TENM3: variants seen among roughly 807,000 people sequenced by gnomAD.
TENM3 encodes teneurin transmembrane protein 3.
TENM3 carries 63 observed loss-of-function variants against 255.1 expected under a neutral mutation model. That is an observed-to-expected ratio of 0.25 (90% CI 0.20 to 0.30). TENM3 has a LOEUF of 0.30. Ranked by LOEUF, TENM3 falls within the 10% of genes least tolerant of loss-of-function variation. The pLI is 1.00. For synonymous variants in TENM3, 1,306 were observed against 1,322.3 expected (o/e 0.99, Z 0.27); for missense variants, 2,929 against 3,461.1 (o/e 0.85, Z 3.86).
chr4:182,068,020 A>G, the TENM3 span, among the ~76,000 whole-genome samples: 1 of 152,158 alleles, frequency 6.6e-6, no homozygotes, highest in East Asian at 1.9e-4. Flanking sequence ...CATGCTGGGT[A>G]TACCATTCAT....
the TENM3 span, among the ~76,000 whole-genome samples, chr4:181,794,187 A>AAT: frequency 0.27 from 40,746 of 151,332 alleles, 5,571 homozygotes; most frequent in South Asian, 0.35. Flanking sequence ...TATGGTGTAC[A>AAT]ATATATATAT....
chr4:181,712,373 T>C, the TENM3 span, among the ~76,000 whole-genome samples: 1 of 152,126 alleles, frequency 6.6e-6, no homozygotes, highest in African/African-American at 2.4e-5. Flanking sequence ...AAGATTTGGT[T>C]AAGTTTGTGG....
intron 1 of TENM3, among the ~76,000 whole-genome samples, chr4:182,186,434 G>A (rs1175889966): frequency 6.6e-6 from 1 of 151,612 alleles, no homozygotes; most frequent in African/African-American, 2.4e-5. Flanking sequence ...TGTATATATC[G>A]ATGTCTTTGA....
chr4:182,744,290 C>T, intron 19 of TENM3: 3 of 487,826 alleles, frequency 6.1e-6, no homozygotes, highest in Non-Finnish European at 8.0e-6. Context: ...CACACATCAT[C>T]GAAGGAATTA....
chr4:181,466,087 G>A, the TENM3 span, among the ~76,000 whole-genome samples: 1 of 151,074 alleles, frequency 6.6e-6, no homozygotes, highest in African/African-American at 2.4e-5. Flanking sequence ...ATGCCTATGT[G>A]GAAGGAGCCT....
At chr4:182,046,623 G>C in the TENM3 span, among the ~76,000 whole-genome samples, 2 of 151,824 alleles carry the variant, frequency 1.3e-5, no homozygotes, top group Non-Finnish European at 2.9e-5. Context: ...CTAGATACTC[G>C]AGAGGCTGAG....
At chr4:181,958,199 A>G in the TENM3 span, among the ~76,000 whole-genome samples, 1 of 152,196 alleles carries the variant, frequency 6.6e-6, no homozygotes, top group Non-Finnish European at 1.5e-5. Context: ...ATAGACACAT[A>G]ATCTTGCCTG....
At chr4:181,480,108 G>T in the TENM3 span, among the ~76,000 whole-genome samples, 52,353 of 151,896 alleles carry the variant, frequency 0.34, 9,119 homozygotes, top group Middle Eastern at 0.38. Context: ...TATGTGCACA[G>T]TTGTCTTACA....
At chr4:182,473,148 A>C (rs186140414) in intron 3 of TENM3, among the ~76,000 whole-genome samples, 82 of 152,318 alleles carry the variant, frequency 5.4e-4, no homozygotes, top group Non-Finnish European at 1.0e-4. Context: ...TTAATATAAT[A>C]TACCTTTATT....
chr4:182,136,237 T>C, the TENM3 span, among the ~76,000 whole-genome samples: 3 of 152,218 alleles, frequency 2.0e-5, no homozygotes, highest in African/African-American at 7.2e-5. Flanking sequence ...TAATGAATAA[T>C]AGGGCTACAA....
chr4:181,750,390 CT>C, the TENM3 span, among the ~76,000 whole-genome samples: 12 of 152,266 alleles, frequency 7.9e-5, no homozygotes, highest in African/African-American at 2.9e-4. Flanking sequence ...AACTTTATCA[CT>C]TATAATAGGT....
At chr4:182,099,292 A>C in the TENM3 span, among the ~76,000 whole-genome samples, 1 of 152,228 alleles carries the variant, frequency 6.6e-6, no homozygotes, top group East Asian at 1.9e-4. Context: ...TGTGTCCATA[A>C]AAATTTTAAA....
the TENM3 span, among the ~76,000 whole-genome samples, chr4:182,112,653 T>C: frequency 1.3e-5 from 2 of 152,316 alleles, no homozygotes; most frequent in East Asian, 3.9e-4. Flanking sequence ...CAAGTTCTGT[T>C]TCCCATTCTC....
At chr4:181,524,916 G>T in the TENM3 span, among the ~76,000 whole-genome samples, 136 of 152,262 alleles carry the variant, frequency 8.9e-4, 1 homozygote, top group Middle Eastern at 3.4e-3. Flanking sequence ...TTTCATTGTG[G>T]TTTGCCAAGC....
At chr4:182,607,935 G>A (rs1748590684) in intron 4 of TENM3, among the ~76,000 whole-genome samples, 1 of 152,162 alleles carries the variant, frequency 6.6e-6, no homozygotes, top group South Asian at 2.1e-4. Flanking sequence ...AACGTGAACA[G>A]TGTAAAAGGT....
the TENM3 span, among the ~76,000 whole-genome samples, chr4:181,607,540 G>A: frequency 1.3e-5 from 2 of 151,436 alleles, no homozygotes; most frequent in African/African-American, 4.9e-5. Flanking sequence ...TCAGCCTCCC[G>A]AGTAGCTGAG....
chr4:181,481,815 G>C, the TENM3 span, among the ~76,000 whole-genome samples: 1 of 152,160 alleles, frequency 6.6e-6, no homozygotes, highest in East Asian at 1.9e-4. Flanking sequence ...CTAGCACATA[G>C]TAAGTGCTCA....
At chr4:182,253,615 T>A (rs1758185541) in intron 1 of TENM3, among the ~76,000 whole-genome samples, 1 of 152,292 alleles carries the variant, frequency 6.6e-6, no homozygotes, top group African/African-American at 2.4e-5. Flanking sequence ...ATAAAAAAAA[T>A]TTTGAGCTTC....
At chr4:182,451,802 G>T (rs973376204) in intron 3 of TENM3, among the ~76,000 whole-genome samples, 2 of 152,168 alleles carry the variant, frequency 1.3e-5, no homozygotes, top group African/African-American at 2.4e-5. Context: ...TTTCAGCTCT[G>T]ATCAGCAATT....
Sources: gnomAD v4.1 joint callset for allele counts (sites outside exome capture counted in the v4.1 genomes callset) on GRCh38, gnomAD v4.1.1 for gene constraint, MANE v1.5 for transcripts, NCBI Gene and HGNC (gene_info 2026-07-23, HGNC 2026-07-21) for gene names.